Variants in ADAM12 observed in about 807,000 individuals in gnomAD.
The protein encoded by ADAM12 is disintegrin and metalloproteinase domain-containing protein 12.
A neutral mutation model predicts 106.4 loss-of-function variants in ADAM12; 70 were observed. The ratio of observed to expected loss-of-function variants is 0.66; its 90% confidence interval spans 0.54 to 0.80. ADAM12 has a LOEUF of 0.80. ADAM12 is among the 30% of genes least tolerant of loss of function. The pLI is 0.00. For missense variants in ADAM12, 1,010 were observed against 1,171.9 expected, an observed-to-expected ratio of 0.86 and a Z score of 2.02; for synonymous variants, 420 against 433.5, an observed-to-expected ratio of 0.97 and a Z score of 0.39.
At chr10:126,247,525 G>A (rs1403581502) in intron 3 of ADAM12, among the ~76,000 whole-genome samples, 2 of 152,152 alleles carry the variant, frequency 1.3e-5, no homozygotes, top group African/African-American at 4.8e-5. Context: ...CATCTGTGAC[G>A]TATGGGCAAT....
intron 2 of ADAM12, among the ~76,000 whole-genome samples, chr10:126,321,976 G>A (rs182760322): frequency 1.4e-4 from 22 of 151,834 alleles, no homozygotes; most frequent in Admixed American, 1.0e-3. Context: ...GGCATCCAGC[G>A]AGCTGATATC....
At chr10:126,164,715 G>C (rs1956994507) in intron 3 of ADAM12, among the ~76,000 whole-genome samples, 1 of 152,140 alleles carries the variant, frequency 6.6e-6, no homozygotes, top group South Asian at 2.1e-4. Context: ...TATGCACCCA[G>C]ACCGGACCCT....
At chr10:126,186,896 G>C (rs1957409091) in intron 3 of ADAM12, among the ~76,000 whole-genome samples, 1 of 152,164 alleles carries the variant, frequency 6.6e-6, no homozygotes, top group African/African-American at 2.4e-5. Flanking sequence ...GCAGCTCTGG[G>C]AAGCAGGCAC....
chr10:126,154,847 T>G (rs1956784934), intron 4 of ADAM12, among the ~76,000 whole-genome samples: 1 of 152,184 alleles, frequency 6.6e-6, no homozygotes, highest in South Asian at 2.1e-4. Context: ...AGTTTTCTTT[T>G]AAAGTTCTTT....
At chr10:126,283,803 G>A (rs1040128363) in intron 2 of ADAM12, among the ~76,000 whole-genome samples, 1 of 152,146 alleles carries the variant, frequency 6.6e-6, no homozygotes, top group Non-Finnish European at 1.5e-5. Context: ...TGAACAGAAT[G>A]CCTTAATTTT....
chr10:126,210,629 T>C (rs1245581349), intron 3 of ADAM12, among the ~76,000 whole-genome samples: 1 of 152,064 alleles, frequency 6.6e-6, no homozygotes, highest in Admixed American at 6.5e-5. Context: ...GAGATGAACA[T>C]GGATATGGAC....
intron 6 of ADAM12, among the ~76,000 whole-genome samples, chr10:126,116,347 C>T (rs1955982492): frequency 6.6e-6 from 1 of 152,158 alleles, no homozygotes; most frequent in Non-Finnish European, 1.5e-5. Context: ...ACCGGTAAAG[C>T]TACAGCTTAA....
In ADAM12 at chr10:126,239,591, C is replaced by T. The variant is rs139195969; in HGVS notation, c.260+39324G>A. Among the ~76,000 whole-genome samples the T allele has an allele frequency of 2.0e-5, 3 of 152,118 alleles. No homozygotes were observed. The East Asian group carries it at 5.8e-4, about 29-fold the overall frequency. ...TCCTTTCAGAAATTCAAGCACATGA[C>T]ATTTATTTAGGTCGTTATTTCCTCC... is the stretch of plus-strand genomic sequence containing the variant. On this transcript the variant is annotated intron_variant, in intron 3 of 22. Transcript: ENST00000448723.
intron 3 of ADAM12, among the ~76,000 whole-genome samples, chr10:126,257,744 A>G (rs1958921371): frequency 6.6e-6 from 1 of 152,224 alleles, no homozygotes; most frequent in African/African-American, 2.4e-5. Flanking sequence ...AGAGGTAAGA[A>G]CAAAGATAAA....
chr10:126,113,774 A>G (rs1278383), intron 6 of ADAM12, among the ~76,000 whole-genome samples: 106,723 of 125,506 alleles, frequency 0.85, 45,632 homozygotes, highest in African/African-American at 0.94. Context: ...GATTCTAGGG[A>G]GATGATATTG....
At chr10:126,115,387 G>T (rs113689635) in intron 6 of ADAM12, among the ~76,000 whole-genome samples, 4 of 152,124 alleles carry the variant, frequency 2.6e-5, no homozygotes, top group Admixed American at 2.0e-4. Context: ...AGTCTGCTGT[G>T]GGGGAGCTGA....
chr10:126,164,486 G>A (rs977621436), intron 3 of ADAM12, among the ~76,000 whole-genome samples: 2 of 152,126 alleles, frequency 1.3e-5, no homozygotes, highest in African/African-American at 4.8e-5. Flanking sequence ...TTTGGGTAAT[G>A]GATTTCTTTT....
intron 3 of ADAM12, among the ~76,000 whole-genome samples, chr10:126,184,306 T>C (rs1358381720): frequency 2.6e-5 from 4 of 152,246 alleles, no homozygotes; most frequent in Non-Finnish European, 4.4e-5. Flanking sequence ...AACATTAATA[T>C]GAGCAAATTA....
chr10:126,278,837 A>G (rs1959408313), intron 3 of ADAM12, 78 bp downstream of exon 3: 3 of 1,127,846 alleles, frequency 2.7e-6, no homozygotes, highest in South Asian at 3.1e-5. Flanking sequence ...TCTAAACCCC[A>G]ACATAAATCA....
chr10:126,046,266 G>A, intron 16 of ADAM12, 134 bp from the exon 17 acceptor site: 1 of 754,368 alleles, frequency 1.3e-6, no homozygotes, highest in East Asian at 2.7e-5. Context: ...CAGTTAATAC[G>A]GATGGAGCAT....
At chr10:126,327,688 G>A (rs1854353432) in intron 2 of ADAM12, among the ~76,000 whole-genome samples, 1 of 151,922 alleles carries the variant, frequency 6.6e-6, no homozygotes, top group South Asian at 2.1e-4. Flanking sequence ...TAAGGAATGT[G>A]TTTCATGGTT....
chr10:126,237,833 G>A (rs977550797), intron 3 of ADAM12, among the ~76,000 whole-genome samples: 3 of 152,294 alleles, frequency 2.0e-5, no homozygotes, highest in Admixed American at 2.0e-4. Flanking sequence ...CAGCCCTAGA[G>A]TGATGGGGTA....
intron 3 of ADAM12, among the ~76,000 whole-genome samples, chr10:126,193,914 A>G (rs866032195): frequency 4.7e-5 from 5 of 105,812 alleles, no homozygotes; most frequent in South Asian, 5.7e-4. Context: ...GAAATAAAAT[A>G]AAATAAAATA....
chr10:126,140,736 T>G (rs1956493934), intron 4 of ADAM12, among the ~76,000 whole-genome samples: 1 of 152,226 alleles, frequency 6.6e-6, no homozygotes. Context: ...TCTCATTAAG[T>G]GTTTAAACAA....
Sources: allele counts gnomAD v4.1 joint callset (sites outside exome capture counted in the v4.1 genomes callset), GRCh38; gene constraint gnomAD v4.1.1; transcripts MANE v1.5; gene names NCBI Gene and HGNC (gene_info 2026-07-23, HGNC 2026-07-21).